Variants in ZBTB20 observed in about 807,000 individuals in gnomAD.
ZBTB20 encodes the protein zinc finger and BTB domain-containing protein 20.
In ZBTB20, 9 loss-of-function variants were observed where a neutral mutation model predicts 56.9. The ratio of observed to expected loss-of-function variants is 0.16; its 90% CI spans 0.10 to 0.28. The LOEUF (loss-of-function observed/expected upper bound fraction) is 0.28. Ranked by LOEUF, ZBTB20 falls within the 10% of genes least tolerant of loss-of-function variation. The pLI is 1.00. For synonymous variants in ZBTB20, 417 were observed against 420.7 expected (o/e 0.99, Z 0.11); for missense variants, 655 against 1,003.0 (o/e 0.65, Z 4.69).
At chr3:114,665,819 T>C (rs1024879985) in intron 6 of ZBTB20, among the ~76,000 whole-genome samples, 1 of 152,070 alleles carries the variant, frequency 6.6e-6, no homozygotes, top group Non-Finnish European at 1.5e-5. Context: ...TTAACAGACA[T>C]CACACTGACA....
At chr3:114,974,545 C>A (rs970242989) in intron 2 of ZBTB20, 129 bp from the exon 3 acceptor site, 2 of 152,062 alleles carry the variant, frequency 1.3e-5, no homozygotes, top group African/African-American at 4.8e-5. Context: ...AAAAAGAAAA[C>A]TGAAAGCTAA....
At chr3:115,120,644 C>A (rs1164954256) in intron 1 of ZBTB20, among the ~76,000 whole-genome samples, 1 of 151,778 alleles carries the variant, frequency 6.6e-6, no homozygotes. Context: ...TTAAAAATCA[C>A]TAAATGAGGA....
At chr3:114,699,816 C>A (rs1007017587) in intron 5 of ZBTB20, among the ~76,000 whole-genome samples, 7 of 152,046 alleles carry the variant, frequency 4.6e-5, no homozygotes, top group African/African-American at 1.7e-4. Flanking sequence ...ACCTGTTCTT[C>A]TTCATTTTAT....
rs751085464 is a variant in ZBTB20 at position 114,350,862 on chromosome 3, G to C, written c.1216C>G (p.Pro406Ala). 1 of 1,610,496 alleles carries C rather than the reference G, an allele frequency of 6.2e-7. No homozygotes were observed. The highest frequency in any genetic ancestry group is 8.5e-7 in the Non-Finnish European group (1 of 1,179,962). ...PGAARDSQAE[P>A]TQPEQAAEAP... ...TCTGCAGCCTGCTCGGGTTGGGTGG[G>C]TTCAGCCTGGCTGTCCCGCGCCGCC... Residue 406 changes from proline to alanine, a missense_variant, in exon 11 of 12, where the codon CCC becomes GCC. Pro to Ala is a conservative substitution (Grantham distance 27). Around this residue, in one of 10 missense-constraint regions of ZBTB20, gnomAD observed 156 missense variants for 181.0 expected, o/e 0.86. Coordinates refer to ENST00000675478, the MANE Select transcript of ZBTB20 (RefSeq NM_001348800.3).
chr3:114,908,361 T>C (rs1293384675), intron 3 of ZBTB20, among the ~76,000 whole-genome samples: 1 of 152,078 alleles, frequency 6.6e-6, no homozygotes, highest in East Asian at 1.9e-4. Flanking sequence ...GTATTTGGCA[T>C]TACTATGATT....
At chr3:114,436,798 T>C (rs775021972) in intron 7 of ZBTB20, among the ~76,000 whole-genome samples, 4 of 152,276 alleles carry the variant, frequency 2.6e-5, no homozygotes, top group East Asian at 1.9e-4. Context: ...TGAGCCATGA[T>C]TGTGGCACTA....
chr3:114,871,899 T>C (rs1306231637), intron 4 of ZBTB20, among the ~76,000 whole-genome samples: 3 of 152,134 alleles, frequency 2.0e-5, no homozygotes, highest in Non-Finnish European at 2.9e-5. Flanking sequence ...ACCTTCAAAA[T>C]ATGCTCCTAA....
chr3:114,851,420 A>C (rs1368470016), intron 4 of ZBTB20, among the ~76,000 whole-genome samples: 1 of 152,096 alleles, frequency 6.6e-6, no homozygotes. Flanking sequence ...ATTTATATTT[A>C]CTTAAAATTT....
intron 3 of ZBTB20, among the ~76,000 whole-genome samples, chr3:114,927,672 G>A (rs1455610582): frequency 6.6e-6 from 1 of 152,108 alleles, no homozygotes; most frequent in African/African-American, 2.4e-5. Context: ...CAATAATTAA[G>A]TTTCCAACCA....
chr3:114,802,951 G>T (rs1282706241), intron 4 of ZBTB20, among the ~76,000 whole-genome samples: 1 of 151,754 alleles, frequency 6.6e-6, no homozygotes, highest in South Asian at 2.1e-4. Flanking sequence ...TCCTCAATTT[G>T]CCAGATGTTG....
rs2077505392 is a variant in ZBTB20 at position 114,962,850 on chromosome 3, C to T, written c.-456+11516G>A. Among the ~76,000 whole-genome samples, 3 of 152,106 alleles carry T rather than the reference C, an allele frequency of 2.0e-5. No homozygotes were observed. In the South Asian group the frequency reaches 6.2e-4, roughly 32 times the overall value. On this transcript the variant is annotated intron_variant, in intron 3 of 11. Transcript: ENST00000675478. The stretch of plus-strand genomic sequence containing the variant: ...CCAAGTCCCTTCATCCTCTCTTAAA[C>T]TCCATATTAGTTTAAGAAAGTGGAG...
At chr3:115,125,187 T>TA (rs2084291915) in intron 1 of ZBTB20, among the ~76,000 whole-genome samples, 1 of 151,278 alleles carries the variant, frequency 6.6e-6, no homozygotes, top group African/African-American at 2.4e-5. Context: ...CCAAAAAAAT[T>TA]AAAAAATTAA....
intron 10 of ZBTB20, among the ~76,000 whole-genome samples, chr3:114,357,546 G>A (rs1687556993): frequency 6.6e-6 from 1 of 151,978 alleles, no homozygotes; most frequent in South Asian, 2.1e-4. Context: ...AGTATTTAAA[G>A]GTCCTTGGTT....
chr3:114,874,742 T>C (rs917529127), intron 4 of ZBTB20, among the ~76,000 whole-genome samples: 2 of 152,202 alleles, frequency 1.3e-5, no homozygotes, highest in African/African-American at 4.8e-5. Context: ...TCTTTATTGA[T>C]GTCCTTTTTC....
intron 5 of ZBTB20, among the ~76,000 whole-genome samples, chr3:114,696,462 T>C (rs930092162): frequency 6.6e-6 from 1 of 152,042 alleles, no homozygotes. Flanking sequence ...CCACTGCTGC[T>C]ACCCTTCACA....
intron 2 of ZBTB20, among the ~76,000 whole-genome samples, chr3:115,040,988 A>C (rs1300216082): frequency 1.3e-5 from 2 of 152,164 alleles, no homozygotes; most frequent in Non-Finnish European, 2.9e-5. Context: ...AATATGCACT[A>C]TTTAGACTGA....
chr3:114,336,195 A>T lies in ZBTB20; in HGVS notation c.*2810T>A, dbSNP rs2079447201. On this transcript the variant is annotated 3_prime_UTR_variant, in exon 12 of 12. Transcript: ENST00000675478. ...GAGTGATTTCATGTCATTGTCTCCT[A>T]GCTTTAAGAGTTTTTTTCTTAAGGT... 6.6e-6 allele frequency: 1 copy of T among 152,158 alleles called. No homozygotes were observed. The highest frequency in any genetic ancestry group is 6.5e-5 in the Admixed American group (1 of 15,276). The allele number at this position is 152,158 out of a possible 1,614,324, so 9.4% of individuals were successfully genotyped here. A position where few individuals can be genotyped will look rare whatever the true frequency, so the allele number is the denominator to read the frequency against.
chr3:114,689,879 G>A (rs1275788302), intron 6 of ZBTB20, among the ~76,000 whole-genome samples: 1 of 152,054 alleles, frequency 6.6e-6, no homozygotes, highest in East Asian at 1.9e-4. Flanking sequence ...GTTCCTACTG[G>A]TCTTTTCTTG....
intron 5 of ZBTB20, among the ~76,000 whole-genome samples, chr3:114,734,455 T>C (rs1468679914): frequency 2.0e-5 from 3 of 152,086 alleles, no homozygotes; most frequent in African/African-American, 7.2e-5. Flanking sequence ...TATAGTATAG[T>C]ACAGAAAGTC....
Sources: gnomAD v4.1 joint callset for allele counts (sites outside exome capture counted in the v4.1 genomes callset) on GRCh38, gnomAD v4.1.1 for gene constraint, gnomAD v4.1.1 regional missense constraint, MANE v1.5 for transcripts, NCBI Gene and HGNC (gene_info 2026-07-23, HGNC 2026-07-21) for gene names.